Variants in SUMF1 observed in about 807,000 individuals in gnomAD.
SUMF1 encodes sulfatase modifying factor 1, also known as formylglycine-generating enzyme.
A neutral mutation model predicts 47.6 loss-of-function variants in SUMF1; 48 were observed. The ratio of observed to expected loss-of-function variants is 1.01; its 90% confidence interval spans 0.80 to 1.28. SUMF1 has a LOEUF of 1.28. Among genes scored for constraint, SUMF1 ranks in the 50% most tolerant of loss-of-function variants. The pLI is 0.00. For missense variants in SUMF1, 571 were observed against 485.4 expected (o/e 1.18, Z -1.66); for synonymous variants, 230 against 192.1 (o/e 1.20, Z -1.63).
At chr3:4,170,848 CAG>C (rs912208084) in intron 8 of SUMF1, among the ~76,000 whole-genome samples, 7 of 152,092 alleles carry the variant, frequency 4.6e-5, no homozygotes, top group African/African-American at 1.7e-4. Context: ...GGAGAATAGC[CAG>C]CTTTCTCTTC....
chr3:4,346,261 C>T (rs976483962), intron 8 of SUMF1, among the ~76,000 whole-genome samples: 1 of 152,038 alleles, frequency 6.6e-6, no homozygotes, highest in African/African-American at 2.4e-5. Flanking sequence ...ATTCTAAAAT[C>T]GGCCACATAA....
intron 8 of SUMF1, chr3:4,303,584 C>T (rs1307144650): frequency 7.3e-7 from 1 of 1,378,002 alleles, no homozygotes. Flanking sequence ...ACGTGGTCTC[C>T]TCAAGCCGCC....
intron 8 of SUMF1, among the ~76,000 whole-genome samples, chr3:4,145,351 T>C (rs144318643): frequency 3.3e-5 from 5 of 152,212 alleles, no homozygotes; most frequent in Non-Finnish European, 5.9e-5. Flanking sequence ...AATAAATCTC[T>C]AGCAAATTTT....
intron 8 of SUMF1, among the ~76,000 whole-genome samples, chr3:4,200,446 G>C (rs988372050): frequency 6.6e-6 from 1 of 151,966 alleles, no homozygotes; most frequent in African/African-American, 2.4e-5. Context: ...CCTGGAGCTG[G>C]GACACCCTTC....
chr3:4,191,952 A>G (rs530546727), intron 8 of SUMF1, among the ~76,000 whole-genome samples: 1 of 152,294 alleles, frequency 6.6e-6, no homozygotes, highest in South Asian at 2.1e-4. Flanking sequence ...GAAGAGTGTT[A>G]TTTTAACTGA....
chr3:4,446,671 GTC>G lies in SUMF1; in HGVS notation c.519+2593_519+2594del, dbSNP rs528541419. On this transcript the variant is annotated intron_variant, in intron 3 of 8. Transcript: ENST00000272902. ...GTCTTACTGTAGGGTTCAAACCTGA[GTC>G]TGATCACACCTGGGGATCCAGCTAC... 2.4e-3 allele frequency among the ~76,000 whole-genome samples: 360 copies of G among 152,280 alleles called. 1 individual carries two copies. The highest frequency in any genetic ancestry group is 8.4e-3 in the African/African-American group (349 of 41,540).
At chr3:4,037,930 G>A (rs950573287) in intron 9 of SUMF1, among the ~76,000 whole-genome samples, 1 of 152,230 alleles carries the variant, frequency 6.6e-6, no homozygotes, top group African/African-American at 2.4e-5. Flanking sequence ...ATGTTATTGA[G>A]GTATTTTGGT....
chr3:4,388,273 T>C (rs1700737923), intron 7 of SUMF1, among the ~76,000 whole-genome samples: 1 of 152,126 alleles, frequency 6.6e-6, no homozygotes, highest in Non-Finnish European at 1.5e-5. Context: ...ACAGTATTAC[T>C]ATGTCCTCTT....
At chr3:4,246,517 TC>T (rs1205681651) in intron 8 of SUMF1, among the ~76,000 whole-genome samples, 1 of 152,128 alleles carries the variant, frequency 6.6e-6, no homozygotes, top group Non-Finnish European at 1.5e-5. Context: ...TTCTCCTGTC[TC>T]AGCCTCCTGA....
intron 8 of SUMF1, among the ~76,000 whole-genome samples, chr3:4,289,919 C>T (rs1697707707): frequency 6.6e-6 from 1 of 152,146 alleles, no homozygotes; most frequent in Admixed American, 6.5e-5. Context: ...TCAACAAAAA[C>T]AACAAAACAT....
chr3:4,122,190 A>T (rs1368224131), intron 8 of SUMF1, among the ~76,000 whole-genome samples: 1 of 152,168 alleles, frequency 6.6e-6, no homozygotes, highest in East Asian at 1.9e-4. Context: ...AATAAGCAAA[A>T]GGTAGAAACA....
At chr3:4,262,235 A>T (rs1697102126) in intron 8 of SUMF1, among the ~76,000 whole-genome samples, 1 of 152,122 alleles carries the variant, frequency 6.6e-6, no homozygotes, top group South Asian at 2.1e-4. Context: ...ATTGCTCAGC[A>T]CAACCTCCGA....
chr3:4,467,003 G>C lies in SUMF1; in HGVS notation c.243C>G (p.Pro81=), dbSNP rs763293580. The change falls in exon 1 of 9, where the codon CCC becomes CCG. Residue 81 remains proline (P), a synonymous_variant. Transcript: ENST00000272902. ...TTGAGTGCGCGAGTTGCCGCTCTCC[G>C]GGTACGGGGCCCGGAGCGTTAGCCT... The part of the protein sequence containing the change: ...SREANAPGPV[P]GERQLAHSKM... 1 of 1,598,098 alleles carries C rather than the reference G, an allele frequency of 6.3e-7. No individual in the cohort carries two copies. Among genetic ancestry groups the C allele is most frequent in the Non-Finnish European group, 8.5e-7 (1 of 1,174,134 alleles).
At chr3:4,396,505 T>G (rs992575876) in intron 7 of SUMF1, among the ~76,000 whole-genome samples, 2 of 152,206 alleles carry the variant, frequency 1.3e-5, no homozygotes, top group African/African-American at 4.8e-5. Flanking sequence ...GTATCTAGTC[T>G]GGGCTCTATC....
At chr3:4,415,780 T>TGAGTGTGAGTG (rs1419023703) in intron 6 of SUMF1, among the ~76,000 whole-genome samples, 1 of 152,166 alleles carries the variant, frequency 6.6e-6, no homozygotes, top group East Asian at 1.9e-4. Context: ...ACCACTGCAC[T>TGAGTGTGAGTG]ACAGCCTGAG....
At chr3:4,087,414 C>G (rs1231900607) in intron 8 of SUMF1, among the ~76,000 whole-genome samples, 1 of 152,074 alleles carries the variant, frequency 6.6e-6, no homozygotes, top group African/African-American at 2.4e-5. Context: ...TGGCACTGCA[C>G]AGGTATGTAA....
At chr3:4,386,957 A>G (rs188277751) in intron 7 of SUMF1, among the ~76,000 whole-genome samples, 2 of 152,048 alleles carry the variant, frequency 1.3e-5, no homozygotes, top group East Asian at 3.9e-4. Flanking sequence ...ATAAACCTCA[A>G]TTATCATGTT....
intron 8 of SUMF1, among the ~76,000 whole-genome samples, chr3:4,083,903 C>G (rs1359779235): frequency 6.7e-6 from 1 of 149,910 alleles, no homozygotes; most frequent in East Asian, 1.9e-4. Context: ...CAAATGTTAT[C>G]GTGTTTCTCT....
chr3:4,314,164 A>G (rs2125102256), intron 8 of SUMF1: 1 of 223,856 alleles, frequency 4.5e-6, no homozygotes, highest in South Asian at 1.0e-4. Context: ...AAAATCAACA[A>G]GGTTAAAAGG....
Sources: allele counts gnomAD v4.1 joint callset (sites outside exome capture counted in the v4.1 genomes callset), GRCh38; gene constraint gnomAD v4.1.1; transcripts MANE v1.5; gene names NCBI Gene and HGNC (gene_info 2026-07-23, HGNC 2026-07-21).